Variants in ARHGEF3 observed in about 807,000 individuals in gnomAD.
ARHGEF3 encodes 59.8 kDA protein.
In ARHGEF3, 28 loss-of-function variants were observed where a neutral mutation model predicts 63.2. The observed-to-expected ratio is 0.44, with a 90% CI of 0.33 to 0.61. ARHGEF3 has a LOEUF of 0.61. Among genes scored for constraint, ARHGEF3 ranks in the 20% least tolerant of loss-of-function variants. The pLI, the probability that ARHGEF3 is intolerant of heterozygous loss-of-function variation, is 0.03. For missense variants in ARHGEF3, 533 were observed against 659.3 expected (o/e 0.81, Z 2.10); for synonymous variants, 266 against 254.2 (o/e 1.05, Z -0.44).
intron 1 of ARHGEF3, among the ~76,000 whole-genome samples, chr3:57,055,947 T>G (rs1358883660): frequency 6.6e-6 from 1 of 152,126 alleles, no homozygotes; most frequent in Non-Finnish European, 1.5e-5. Flanking sequence ...GGAATGTGAA[T>G]AGGGAAAAGG....
chr3:57,042,030 C>T (rs936838608), intron 1 of ARHGEF3, among the ~76,000 whole-genome samples: 2 of 152,180 alleles, frequency 1.3e-5, no homozygotes, highest in African/African-American at 4.8e-5. Flanking sequence ...GGTCAGTTAC[C>T]AAACAGTGCT....
At chr3:56,751,443 GA>G (rs1269291135) in intron 4 of ARHGEF3, 47 bp from the exon 5 acceptor site, 2 of 1,515,048 alleles carry the variant, frequency 1.3e-6, no homozygotes, top group Non-Finnish European at 1.8e-6. Flanking sequence ...AAAATCAGAG[GA>G]AGTACATTGT....
At chr3:57,032,077 G>A (rs1321809980) in intron 2 of ARHGEF3, among the ~76,000 whole-genome samples, 2 of 152,132 alleles carry the variant, frequency 1.3e-5, no homozygotes, top group Non-Finnish European at 2.9e-5. Context: ...AGGGTAGGTT[G>A]ACTGATTAGG....
intron 2 of ARHGEF3, among the ~76,000 whole-genome samples, chr3:57,032,923 A>G (rs1703792862): frequency 6.6e-6 from 1 of 152,020 alleles, no homozygotes; most frequent in Non-Finnish European, 1.5e-5. Flanking sequence ...GGGCCCTGGG[A>G]CTCTGGATAG....
intron 2 of ARHGEF3, among the ~76,000 whole-genome samples, chr3:57,026,822 A>G (rs1357692539): frequency 6.6e-6 from 1 of 152,214 alleles, no homozygotes; most frequent in Non-Finnish European, 1.5e-5. Flanking sequence ...GGTGCCAGAC[A>G]CTGCCAGGCC....
At chr3:56,869,935 A>G (rs185799928) in intron 4 of ARHGEF3, among the ~76,000 whole-genome samples, 635 of 152,226 alleles carry the variant, frequency 4.2e-3, no homozygotes, top group Middle Eastern at 0.01. Flanking sequence ...ACTTGTCAAT[A>G]TAACATTCTT....
intron 3 of ARHGEF3, among the ~76,000 whole-genome samples, chr3:56,938,046 C>A (rs577598568): frequency 1.3e-5 from 2 of 152,244 alleles, no homozygotes; most frequent in Non-Finnish European, 2.9e-5. Flanking sequence ...AATGTCTCCT[C>A]TTCCCTGAAT....
chr3:57,019,003 G>C (rs1382160832), intron 2 of ARHGEF3, among the ~76,000 whole-genome samples: 2 of 152,028 alleles, frequency 1.3e-5, no homozygotes. Flanking sequence ...AAAATTAACA[G>C]TATCATGAAA....
At chr3:57,015,189 A>G (rs1702939068) in intron 2 of ARHGEF3, among the ~76,000 whole-genome samples, 1 of 152,182 alleles carries the variant, frequency 6.6e-6, no homozygotes, top group Admixed American at 6.5e-5. Context: ...GCTTTTGGCT[A>G]CAACTGAGTT....
chr3:57,065,354 A>T (rs1415917943), intron 1 of ARHGEF3, among the ~76,000 whole-genome samples: 1 of 152,142 alleles, frequency 6.6e-6, no homozygotes, highest in Non-Finnish European at 1.5e-5. Context: ...CCAGCTACTA[A>T]GGAGGATGAG....
At chr3:56,888,360 A>T (rs1437478909) in intron 3 of ARHGEF3, among the ~76,000 whole-genome samples, 1 of 152,104 alleles carries the variant, frequency 6.6e-6, no homozygotes, top group Admixed American at 6.5e-5. Flanking sequence ...GATTGATAAC[A>T]CCTCAGATGG....
At chr3:56,919,722 T>C (rs939503133) in intron 3 of ARHGEF3, among the ~76,000 whole-genome samples, 1 of 152,252 alleles carries the variant, frequency 6.6e-6, no homozygotes, top group Admixed American at 6.5e-5. Context: ...TGTTTTAATA[T>C]GAGCACTTAC....
chr3:56,870,034 G>T (rs2040385044), intron 4 of ARHGEF3, among the ~76,000 whole-genome samples: 1 of 152,038 alleles, frequency 6.6e-6, no homozygotes, highest in Non-Finnish European at 1.5e-5. Context: ...AAGTTTAAGA[G>T]TTACAAACAC....
intron 3 of ARHGEF3, among the ~76,000 whole-genome samples, chr3:56,928,932 C>T (rs1319753667): frequency 6.6e-6 from 1 of 152,202 alleles, no homozygotes; most frequent in Non-Finnish European, 1.5e-5. Context: ...CCACCCTTCC[C>T]TCCTTATCAG....
rs1055115044 is a variant in ARHGEF3, at chr3:56,775,802, A to G, written c.97-1986T>C. ...TACACACACACACACACGCGCAAGCACACACACACACACACACACTGCCTC... is the reference window on the plus strand; with the variant it reads ...TACACACACACACACACGCGCAAGCGCACACACACACACACACACTGCCTC... On this transcript the variant is annotated intron_variant, in intron 1 of 9. Coordinates refer to ENST00000296315, the MANE Select transcript of ARHGEF3 (RefSeq NM_019555.3). 8 of 238,596 alleles carry G rather than the reference A, an allele frequency of 3.4e-5. No individual in the cohort carries two copies. The South Asian group carries it at 1.1e-3, about 32-fold the overall frequency. The allele number at this position is 238,596 out of a possible 1,614,324, so 14.8% of individuals were successfully genotyped here. A position where few individuals can be genotyped will look rare whatever the true frequency, so the allele number is the denominator to read the frequency against.
intron 1 of ARHGEF3, among the ~76,000 whole-genome samples, chr3:56,775,967 G>A (rs1489911551): frequency 6.6e-6 from 1 of 152,144 alleles, no homozygotes; most frequent in Non-Finnish European, 1.5e-5. Context: ...AATCCTGCCC[G>A]CTGACTCTGA....
At chr3:56,973,103 G>A (rs1389982058) in intron 2 of ARHGEF3, among the ~76,000 whole-genome samples, 10 of 151,326 alleles carry the variant, frequency 6.6e-5, no homozygotes, top group African/African-American at 2.4e-4. Flanking sequence ...TATAAGCTCC[G>A]CCTCCCGGGT....
At chr3:56,895,473 T>TTTA (rs1491384314) in intron 3 of ARHGEF3, among the ~76,000 whole-genome samples, 2 of 72,924 alleles carry the variant, frequency 2.7e-5, no homozygotes, top group African/African-American at 1.9e-4. Flanking sequence ...TATTTATTTA[T>TTTA]TTTTTTTTGA....
chr3:56,870,549 G>A, intron 4 of ARHGEF3, among the ~76,000 whole-genome samples: 1 of 152,150 alleles, frequency 6.6e-6, no homozygotes, highest in East Asian at 1.9e-4. Flanking sequence ...GTGGATATGT[G>A]TGATTACACT....
Sources: gnomAD v4.1 joint callset for allele counts (sites outside exome capture counted in the v4.1 genomes callset) on GRCh38, gnomAD v4.1.1 for gene constraint, MANE v1.5 for transcripts, NCBI Gene and HGNC (gene_info 2026-07-23, HGNC 2026-07-21) for gene names.